BACH2: variants seen among roughly 807,000 people sequenced by gnomAD.
The protein encoded by BACH2 is BACH transcriptional regulator 2, also known as transcription regulator protein BACH2.
Under a neutral mutation model 61.8 loss-of-function variants are expected in BACH2, and 5 were observed. The ratio of observed to expected loss-of-function variants is 0.08; its 90% confidence interval spans 0.04 to 0.17. BACH2 has a LOEUF of 0.17. BACH2 is among the 10% of genes least tolerant of loss of function. The pLI, the probability that BACH2 is intolerant of heterozygous loss-of-function variation, is 1.00. For synonymous variants in BACH2, 446 were observed against 440.1 expected (o/e 1.01, Z -0.17); for missense variants, 824 against 1,091.1 (o/e 0.76, Z 3.45).
intron 3 of BACH2, among the ~76,000 whole-genome samples, chr6:90,227,662 A>G (rs757695246): frequency 2.3e-4 from 35 of 152,304 alleles, no homozygotes; most frequent in Admixed American, 4.6e-4. Flanking sequence ...TAATTTCAAA[A>G]GCTTTATCCT....
intron 5 of BACH2, among the ~76,000 whole-genome samples, chr6:90,009,820 G>A (rs1777611838): frequency 1.3e-5 from 2 of 152,056 alleles, no homozygotes; most frequent in Admixed American, 6.6e-5. Flanking sequence ...ATGTGCCACC[G>A]TGCCTAACTA....
chr6:90,135,117 C>T (rs1041763016), intron 4 of BACH2, among the ~76,000 whole-genome samples: 1 of 152,166 alleles, frequency 6.6e-6, no homozygotes, highest in Admixed American at 6.5e-5. Flanking sequence ...CATTTTCTTC[C>T]GAATGGAGAA....
intron 1 of BACH2, among the ~76,000 whole-genome samples, chr6:90,284,816 CTG>C (rs1224880448): frequency 6.6e-6 from 1 of 152,142 alleles, no homozygotes; most frequent in African/African-American, 2.4e-5. Flanking sequence ...AGGTCTTGCA[CTG>C]TGTTATTATT....
chr6:90,184,862 C>T (rs1262972066), intron 4 of BACH2, among the ~76,000 whole-genome samples: 1 of 152,234 alleles, frequency 6.6e-6, no homozygotes, highest in Admixed American at 6.5e-5. Flanking sequence ...TTACAAGTAA[C>T]CTCTCACAAT....
intron 1 of BACH2, among the ~76,000 whole-genome samples, chr6:90,274,315 C>A (rs1484507885): frequency 6.6e-6 from 1 of 152,018 alleles, no homozygotes; most frequent in Non-Finnish European, 1.5e-5. Context: ...TTTTACAAAA[C>A]CCAGAAAGTC....
At chr6:90,111,585 C>T (rs1783172695) in intron 4 of BACH2, among the ~76,000 whole-genome samples, 1 of 152,174 alleles carries the variant, frequency 6.6e-6, no homozygotes, top group Non-Finnish European at 1.5e-5. Context: ...TGGAAGGCTC[C>T]TCCCCCAGGT....
At chr6:90,047,020 C>T (rs111811639) in intron 5 of BACH2, among the ~76,000 whole-genome samples, 2,207 of 152,224 alleles carry the variant, frequency 0.014, 47 homozygotes, top group African/African-American at 0.051. Context: ...CAACCTCTGC[C>T]TCCGGGTTCA....
intron 5 of BACH2, among the ~76,000 whole-genome samples, chr6:90,072,788 C>T (rs1305694444): frequency 6.6e-6 from 1 of 152,060 alleles, no homozygotes; most frequent in African/African-American, 2.4e-5. Context: ...CCTAAACATC[C>T]CACCAGAAAG....
rs1319250434 is a variant in BACH2 at position 90,089,084 on chromosome 6, C to G, written c.-136G>C. On this transcript the variant is annotated 5_prime_UTR_variant, in exon 5 of 9. Coordinates refer to ENST00000257749, the MANE Select transcript of BACH2 (RefSeq NM_021813.4). ...GGACCCCAAAGTTTTGTGGGGCAAC[C>G]TTGTGACAGGTCAGTGAGTGTCCAC... The G allele has an allele frequency of 6.6e-6, 1 of 152,302 alleles. No individual in the cohort carries two copies. The highest frequency in any genetic ancestry group is 1.5e-5 in the Non-Finnish European group (1 of 68,072). 9.4% of individuals were successfully genotyped at this position (152,302 alleles called of 1,614,324 possible). A position where few individuals can be genotyped will look rare whatever the true frequency, so the allele number is the denominator to read the frequency against.
intron 4 of BACH2, among the ~76,000 whole-genome samples, chr6:90,111,864 A>C (rs1251693823): frequency 6.6e-6 from 1 of 152,200 alleles, no homozygotes; most frequent in Non-Finnish European, 1.5e-5. Context: ...ATCTAAGACA[A>C]TACTTGGAAC....
intron 4 of BACH2, among the ~76,000 whole-genome samples, chr6:90,174,221 T>G (rs1767915155): frequency 6.6e-6 from 1 of 151,522 alleles, no homozygotes; most frequent in South Asian, 2.1e-4. Flanking sequence ...CAAAGAAAAA[T>G]AATGTGTCTA....
chr6:90,162,541 C>T (rs1196289598), intron 4 of BACH2, among the ~76,000 whole-genome samples: 1 of 152,116 alleles, frequency 6.6e-6, no homozygotes, highest in Non-Finnish European at 1.5e-5. Context: ...ACTTGGGAGT[C>T]TGAGGTGGGA....
At chr6:90,134,540 T>C (rs539788464) in intron 4 of BACH2, among the ~76,000 whole-genome samples, 9 of 152,192 alleles carry the variant, frequency 5.9e-5, no homozygotes, top group Non-Finnish European at 8.8e-5. Flanking sequence ...ATGGGATGTA[T>C]AGTTCAGGTG....
chr6:90,129,217 A>G (rs1783996299), intron 4 of BACH2, among the ~76,000 whole-genome samples: 1 of 152,214 alleles, frequency 6.6e-6, no homozygotes, highest in South Asian at 2.1e-4. Context: ...TTAAAGTATA[A>G]TAACAAAAAA....
chr6:90,075,135 T>C (rs998446045), intron 5 of BACH2, among the ~76,000 whole-genome samples: 2 of 152,250 alleles, frequency 1.3e-5, no homozygotes. Flanking sequence ...CCAGTGCATG[T>C]CATGGACGAA....
At chr6:89,957,083 G>A (rs1185045499) in intron 6 of BACH2, among the ~76,000 whole-genome samples, 1 of 152,170 alleles carries the variant, frequency 6.6e-6, no homozygotes. Flanking sequence ...CTGCCCAAGG[G>A]CTTTTTAAAA....
At chr6:90,084,114 G>T (rs1242556196) in intron 5 of BACH2, among the ~76,000 whole-genome samples, 1 of 151,942 alleles carries the variant, frequency 6.6e-6, no homozygotes, top group Non-Finnish European at 1.5e-5. Context: ...GGAAGGGGAG[G>T]GGGTGGGGAA....
intron 3 of BACH2, among the ~76,000 whole-genome samples, chr6:90,214,491 AG>A (rs1461389587): frequency 2.6e-5 from 4 of 152,190 alleles, no homozygotes; most frequent in African/African-American, 9.7e-5. Context: ...AGAAGCGTTA[AG>A]GGGGCCAGCT....
chr6:90,260,459 T>C (rs1771120661), intron 2 of BACH2, among the ~76,000 whole-genome samples: 1 of 152,188 alleles, frequency 6.6e-6, no homozygotes, highest in East Asian at 1.9e-4. Flanking sequence ...TTTTGTGGCC[T>C]AACATATGGT....
Sources: allele counts gnomAD v4.1 joint callset (sites outside exome capture counted in the v4.1 genomes callset), GRCh38; gene constraint gnomAD v4.1.1; transcripts MANE v1.5; gene names NCBI Gene and HGNC (gene_info 2026-07-23, HGNC 2026-07-21).